Variants in TMEM266 observed in about 807,000 individuals in gnomAD.
TMEM266 encodes Hv1 related protein 1.
A neutral mutation model predicts 50.5 loss-of-function variants in TMEM266; 33 were observed. The observed-to-expected ratio is 0.65, with a 90% CI of 0.50 to 0.87. The LOEUF is 0.87. TMEM266 is among the 40% of genes least tolerant of loss of function. TMEM266 has a pLI of 0.00. For synonymous variants in TMEM266, 310 were observed against 292.3 expected (o/e 1.06, Z -0.62); for missense variants, 655 against 695.1 (o/e 0.94, Z 0.65).
At chr15:76,143,115 C>T (rs2037706094) in intron 3 of TMEM266, among the ~76,000 whole-genome samples, 1 of 152,196 alleles carries the variant, frequency 6.6e-6, no homozygotes, top group Admixed American at 6.5e-5. Flanking sequence ...CTTTTAGGAC[C>T]TGCCCCATTC....
At chr15:76,159,513 G>A (rs2037981782) in intron 4 of TMEM266, among the ~76,000 whole-genome samples, 1 of 152,096 alleles carries the variant, frequency 6.6e-6, no homozygotes, top group Non-Finnish European at 1.5e-5. Context: ...GAGGGAGGCA[G>A]ACACCTCCAC....
rs1255381353 is a variant in TMEM266, at chr15:76,168,996, C to G, written c.457-820C>G. 6.6e-6 allele frequency among the ~76,000 whole-genome samples: 1 copy of G among 152,238 alleles called. No individual in the cohort carries two copies. Among genetic ancestry groups the G allele is most frequent in the Non-Finnish European group, 1.5e-5 (1 of 68,036 alleles). ...TAAACAAGGCAAGGTCCATTTCTCT[C>G]TCACGGAAAAACACATTAAGTGGAT... On this transcript the variant is annotated intron_variant, in intron 5 of 10. Transcript: ENST00000388942. This position sits in a 1 kb window ranked among gnomAD's most constrained non-coding sequence, Gnocchi z 4.4.
At chr15:76,089,117 G>A (rs1349975005) in intron 1 of TMEM266, among the ~76,000 whole-genome samples, 1 of 130,706 alleles carries the variant, frequency 7.7e-6, no homozygotes, top group Non-Finnish European at 1.6e-5. Context: ...AAAAAAAAGA[G>A]GAAAAAGAAA....
At chr15:76,069,964 T>G (rs557803334) in intron 1 of TMEM266, among the ~76,000 whole-genome samples, 1 of 152,372 alleles carries the variant, frequency 6.6e-6, no homozygotes, top group African/African-American at 2.4e-5. Flanking sequence ...CTTTATTGCA[T>G]TTATTGAATA....
intron 3 of TMEM266, among the ~76,000 whole-genome samples, chr15:76,155,992 C>T (rs914167716): frequency 2.0e-5 from 3 of 152,214 alleles, no homozygotes; most frequent in African/African-American, 7.2e-5. Flanking sequence ...TGTCCGCTAA[C>T]CCACCAGATG....
intron 9 of TMEM266, among the ~76,000 whole-genome samples, chr15:76,199,284 G>A (rs570786943): frequency 2.9e-4 from 44 of 152,332 alleles, no homozygotes; most frequent in African/African-American, 9.6e-4. Flanking sequence ...GTCCGGGGAC[G>A]GTCGGCCAGA....
intron 1 of TMEM266, among the ~76,000 whole-genome samples, chr15:76,102,924 C>G (rs1016030759): frequency 6.6e-6 from 1 of 150,562 alleles, no homozygotes; most frequent in Non-Finnish European, 1.5e-5. Context: ...GGCGAGGCAG[C>G]AGGGGACAGA....
intron 4 of TMEM266, among the ~76,000 whole-genome samples, chr15:76,157,256 A>C (rs1350511186): frequency 2.0e-5 from 3 of 152,142 alleles, no homozygotes; most frequent in Admixed American, 6.6e-5. Flanking sequence ...ATAGTTTTTA[A>C]AGCATTTTTC....
intron 1 of TMEM266, among the ~76,000 whole-genome samples, chr15:76,116,118 G>A (rs775585008): frequency 3.3e-5 from 5 of 152,182 alleles, no homozygotes; most frequent in Non-Finnish European, 7.3e-5. Flanking sequence ...GTTACAGGCA[G>A]CCTGCACCCA....
At chr15:76,167,758 C>T (rs369843812) in intron 5 of TMEM266, among the ~76,000 whole-genome samples, 1 of 152,078 alleles carries the variant, frequency 6.6e-6, no homozygotes, top group African/African-American at 2.4e-5. Flanking sequence ...GCCTTGCCCT[C>T]CCAAAGTGCT....
rs761854726 is a variant in TMEM266 at position 76,203,784 on chromosome 15, C to T, written c.1065C>T (p.Ala355=). The change falls in exon 11 of 11, where the codon GCC becomes GCT. Residue 355 remains alanine (A), a synonymous_variant. Transcript: ENST00000388942. ...CAGCTGTGTGTATGGTCACCACGGC[C>T]GCAATAGACATTCACCAGCCCAACA... 21 of 1,614,138 alleles carry T rather than the reference C, an allele frequency of 1.3e-5. No homozygotes were observed. The highest frequency in any genetic ancestry group is 1.6e-4 in the Middle Eastern group (1 of 6,062).
rs1419408258 is a variant in TMEM266 at position 76,161,872 on chromosome 15, A to C, written c.456+1704A>C. Among the ~76,000 whole-genome samples, 1 of 152,214 alleles carries C rather than the reference A, an allele frequency of 6.6e-6. No homozygotes were observed. The highest frequency in any genetic ancestry group is 2.4e-5 in the African/African-American group (1 of 41,444). The stretch of plus-strand genomic sequence containing the variant: ...CGTGGCCAGATGTCTCCTTGATGCA[A>C]ACCTTGGAAAATGTGCCATGTGTCT... On this transcript the variant is annotated intron_variant, in intron 5 of 10. Coordinates refer to ENST00000388942, the MANE Select transcript of TMEM266 (RefSeq NM_152335.3). This position sits in a 1 kb window ranked among gnomAD's most constrained non-coding sequence, Gnocchi z 4.1.
intron 8 of TMEM266, among the ~76,000 whole-genome samples, chr15:76,186,935 GC>G (rs2038497570): frequency 2.0e-5 from 3 of 152,000 alleles, no homozygotes; most frequent in Admixed American, 2.0e-4. Flanking sequence ...TGGCCCTCTG[GC>G]CCTTGTACAC....
intron 5 of TMEM266, among the ~76,000 whole-genome samples, chr15:76,162,338 C>T (rs146302906): frequency 6.6e-6 from 1 of 152,370 alleles, no homozygotes; most frequent in East Asian, 1.9e-4. Context: ...ACACACACAG[C>T]TCACACCACA....
At chr15:76,072,557 C>T (rs1216682205) in intron 1 of TMEM266, among the ~76,000 whole-genome samples, 2 of 151,710 alleles carry the variant, frequency 1.3e-5, no homozygotes, top group African/African-American at 2.4e-5. Context: ...CTTCACTTTT[C>T]TGGGTCCTGG....
chr15:76,188,092 C>T (rs1240403553), intron 8 of TMEM266, among the ~76,000 whole-genome samples: 7 of 152,056 alleles, frequency 4.6e-5, no homozygotes, highest in Non-Finnish European at 7.4e-5. Context: ...CCCCCCCACC[C>T]CGCCCCACTG....
At chr15:76,145,642 TAG>T (rs1262245032) in intron 3 of TMEM266, among the ~76,000 whole-genome samples, 2 of 152,172 alleles carry the variant, frequency 1.3e-5, no homozygotes, top group African/African-American at 4.8e-5. Flanking sequence ...GTGTGAACAT[TAG>T]AGAGAGGATC....
At chr15:76,101,220 TC>T (rs2142003838) in intron 1 of TMEM266, among the ~76,000 whole-genome samples, 1 of 152,288 alleles carries the variant, frequency 6.6e-6, no homozygotes, top group South Asian at 2.1e-4. Flanking sequence ...CTGAGGGATG[TC>T]AAGTAGCTGA....
chr15:76,124,972 A>C (rs1050204006), intron 1 of TMEM266, among the ~76,000 whole-genome samples: 1 of 152,202 alleles, frequency 6.6e-6, no homozygotes, highest in Non-Finnish European at 1.5e-5. Context: ...AATCAAAACC[A>C]CATGGTCCTG....
Sources: allele counts gnomAD v4.1 joint callset (sites outside exome capture counted in the v4.1 genomes callset), GRCh38; gene constraint gnomAD v4.1.1; non-coding constraint Gnocchi (gnomAD v3.1); transcripts MANE v1.5; gene names NCBI Gene and HGNC (gene_info 2026-07-23, HGNC 2026-07-21).